The following MAST4 variants were observed in gnomAD, a reference collection of about 807,000 sequenced individuals.
The protein encoded by MAST4 is microtubule-associated serine/threonine-protein kinase 4.
In MAST4, 89 loss-of-function variants were observed where a neutral mutation model predicts 162.7. The ratio of observed to expected loss-of-function variants is 0.55; its 90% CI spans 0.46 to 0.65. MAST4 has a LOEUF of 0.65. Among genes scored for constraint, MAST4 ranks in the 30% least tolerant of loss-of-function variants. The pLI is 0.00. For synonymous variants in MAST4, 1,479 were observed against 1,361.1 expected (o/e 1.09, Z -1.91); for missense variants, 3,153 against 3,374.0 (o/e 0.93, Z 1.62).
chr5:66,936,224 A>G (rs1231867445), intron 4 of MAST4, among the ~76,000 whole-genome samples: 1 of 152,216 alleles, frequency 6.6e-6, no homozygotes, highest in Non-Finnish European at 1.5e-5. Context: ...ATGGGAACAT[A>G]TTTATAACAG....
At chr5:66,696,393 T>C (rs1749404279) in intron 1 of MAST4, among the ~76,000 whole-genome samples, 1 of 152,078 alleles carries the variant, frequency 6.6e-6, no homozygotes, top group Non-Finnish European at 1.5e-5. Flanking sequence ...GAAGCACTTG[T>C]CTTTAGGCTT....
In MAST4 at chr5:67,145,171, A is replaced by C; in HGVS notation, c.2886A>C (p.Ser962=). ...EMQQLSTSNS[S]DTESNRHKLS... is the part of the protein sequence containing the mutation. ...AACAGCTATCAACATCCAACTCTTC[A>C]GATACTGAAAGCAACAGACATAAAC... The change falls in exon 23 of 29, where the codon TCA becomes TCC. Residue 962 remains serine (S), a synonymous_variant. Transcript: ENST00000403625. 6.2e-7 allele frequency: 1 copy of C among 1,611,880 alleles called. No individual in the cohort carries two copies. The highest frequency in any genetic ancestry group is 8.5e-7 in the Non-Finnish European group (1 of 1,178,948).
chr5:66,711,063 CTT>C (rs1200074919), intron 1 of MAST4, among the ~76,000 whole-genome samples: 1 of 152,196 alleles, frequency 6.6e-6, no homozygotes, highest in East Asian at 1.9e-4. Flanking sequence ...TTTCGCTACT[CTT>C]TGAACTCTAT....
At position 67,165,272 on chromosome 5, in the gene MAST4, C is replaced by T; in HGVS notation, c.6093C>T (p.Ala2031=). ...THPDFYTQTQ[A]MEKAWAPGGK... Reference sequence around the variant, plus strand: ...CAGATTTCTATACACAGACCCAGGCCATGGAGAAAGCATGGGCGCCGGGTG... The same window carrying T: ...CAGATTTCTATACACAGACCCAGGCTATGGAGAAAGCATGGGCGCCGGGTG... Residue 2031 remains alanine (A), a synonymous_variant, in exon 29 of 29, where the codon GCC becomes GCT. Transcript: ENST00000403625. 6.2e-7 allele frequency: 1 copy of T among 1,613,388 alleles called. No individual in the cohort carries two copies. Among genetic ancestry groups the T allele is most frequent in the South Asian group, 1.1e-5 (1 of 91,082 alleles).
At chr5:67,156,343 C>T (rs1332078366) in intron 26 of MAST4, among the ~76,000 whole-genome samples, 2 of 152,182 alleles carry the variant, frequency 1.3e-5, no homozygotes, top group Admixed American at 6.5e-5. Flanking sequence ...TTTCCACTAC[C>T]ACAGCACACT....
At chr5:67,156,284 A>T (rs1041443856) in intron 26 of MAST4, among the ~76,000 whole-genome samples, 1 of 152,160 alleles carries the variant, frequency 6.6e-6, no homozygotes, top group African/African-American at 2.4e-5. Flanking sequence ...GCTGGAAAGG[A>T]GTATAAGATG....
chr5:66,925,878 T>C (rs1191918514), intron 4 of MAST4, among the ~76,000 whole-genome samples: 1 of 152,194 alleles, frequency 6.6e-6, no homozygotes, highest in Non-Finnish European at 1.5e-5. Flanking sequence ...AATAAGAACA[T>C]GCTATGTTCC....
At chr5:67,153,028 T>C (rs1389873055) in intron 25 of MAST4, among the ~76,000 whole-genome samples, 162 bp downstream of exon 25, 2 of 152,274 alleles carry the variant, frequency 1.3e-5, no homozygotes, top group Non-Finnish European at 2.9e-5. Flanking sequence ...TATGGTGGAA[T>C]TGAATTTAGC....
intron 1 of MAST4, among the ~76,000 whole-genome samples, chr5:66,630,175 A>G (rs1744706676): frequency 6.6e-6 from 1 of 152,216 alleles, no homozygotes; most frequent in African/African-American, 2.4e-5. Flanking sequence ...AAAGTTTCCC[A>G]GGTGCTTCTG....
chr5:66,607,421 G>T (rs1362437862), intron 1 of MAST4, among the ~76,000 whole-genome samples: 1 of 152,118 alleles, frequency 6.6e-6, no homozygotes, highest in Admixed American at 6.5e-5. Context: ...TTATTTTCCT[G>T]TTGGCTTTGG....
chr5:66,694,820 C>T (rs1181860515), intron 1 of MAST4, among the ~76,000 whole-genome samples: 1 of 152,178 alleles, frequency 6.6e-6, no homozygotes. Context: ...TTTTTGGCTG[C>T]ATAAATGTCT....
chr5:66,820,382 T>C (rs539812550), intron 3 of MAST4, among the ~76,000 whole-genome samples: 2 of 152,272 alleles, frequency 1.3e-5, no homozygotes, highest in South Asian at 4.1e-4. Flanking sequence ...TTTCAATTGA[T>C]AGGTATCATA....
intron 4 of MAST4, among the ~76,000 whole-genome samples, chr5:66,964,749 G>T (rs1397619248): frequency 1.3e-5 from 2 of 152,230 alleles, no homozygotes; most frequent in African/African-American, 4.8e-5. Context: ...CTTGCAGTGA[G>T]CTGAGATCTG....
chr5:66,993,935 C>T (rs1025964521), intron 4 of MAST4, among the ~76,000 whole-genome samples: 9 of 118,806 alleles, frequency 7.6e-5, no homozygotes, highest in Non-Finnish European at 1.4e-4. Context: ...CCCCCCCACC[C>T]CACCAAATCT....
chr5:66,742,770 G>C (rs1752545820), intron 1 of MAST4, among the ~76,000 whole-genome samples: 2 of 152,212 alleles, frequency 1.3e-5, no homozygotes, highest in Admixed American at 6.5e-5. Flanking sequence ...TCTGGCAAGC[G>C]GAGGTGTCAG....
At chr5:66,736,865 A>G (rs1165557073) in intron 1 of MAST4, among the ~76,000 whole-genome samples, 1 of 152,192 alleles carries the variant, frequency 6.6e-6, no homozygotes, top group African/African-American at 2.4e-5. Context: ...CATATGATGA[A>G]TAGGAAAACC....
intron 1 of MAST4, among the ~76,000 whole-genome samples, chr5:66,745,943 A>G (rs1041238762): frequency 3.9e-5 from 6 of 152,204 alleles, no homozygotes; most frequent in African/African-American, 7.2e-5. Flanking sequence ...TGTAACAGTG[A>G]TGAATACTGC....
At chr5:66,980,300 C>G (rs1484742820) in intron 4 of MAST4, among the ~76,000 whole-genome samples, 1 of 152,168 alleles carries the variant, frequency 6.6e-6, no homozygotes, top group Non-Finnish European at 1.5e-5. Context: ...CACTTATACC[C>G]ACCTCCTTTG....
intron 4 of MAST4, among the ~76,000 whole-genome samples, chr5:66,932,032 C>T (rs1742247177): frequency 6.6e-6 from 1 of 152,136 alleles, no homozygotes; most frequent in Non-Finnish European, 1.5e-5. Context: ...ACACTGACTT[C>T]CTCCTTCAGT....
Sources: allele counts gnomAD v4.1 joint callset (sites outside exome capture counted in the v4.1 genomes callset), GRCh38; gene constraint gnomAD v4.1.1; transcripts MANE v1.5; gene names NCBI Gene and HGNC (gene_info 2026-07-23, HGNC 2026-07-21).